Variants in DNAH5 observed in about 807,000 individuals in gnomAD.
The protein encoded by DNAH5 is axonemal beta dynein heavy chain 5.
A neutral mutation model predicts 518.2 loss-of-function variants in DNAH5; 372 were observed. The observed-to-expected ratio is 0.72, with a 90% CI of 0.66 to 0.78. The LOEUF (loss-of-function observed/expected upper bound fraction) is 0.78. DNAH5 is among the 30% of genes least tolerant of loss of function. The pLI is 0.00. For synonymous variants in DNAH5, 2,039 were observed against 2,025.9 expected (o/e 1.01, Z -0.17); for missense variants, 5,523 against 5,687.0 (o/e 0.97, Z 0.93).
chr5:13,700,685 G>A lies in DNAH5; in HGVS notation c.13678C>T (p.Leu4560Phe). 1 of 1,614,150 alleles carries A rather than the reference G, an allele frequency of 6.2e-7. No homozygotes were observed. Among genetic ancestry groups the A allele is most frequent in the Admixed American group, 1.7e-5 (1 of 60,022 alleles). The change falls in exon 78 of 79, where the codon CTC becomes TTC. Residue 4560 changes from leucine (L) to phenylalanine (F), a missense_variant. Physicochemically the swap from Leu to Phe is conservative, Grantham distance 22 (BLOSUM62 0). Transcript: ENST00000265104. ...MKLIESKPKV[L>F]FELMPVIRIY... ...CTTATGACAGGCATCAACTCAAAGA[G>A]CACTTTTGGCTTTGATTCAATGAGT...
At chr5:13,782,060 A>C (rs1304432600) in intron 52 of DNAH5, among the ~76,000 whole-genome samples, 2 of 152,102 alleles carry the variant, frequency 1.3e-5, no homozygotes, top group Non-Finnish European at 2.9e-5. Context: ...ATGGGAATAA[A>C]ATTCCCCTTG....
chr5:13,789,453 C>T (rs1202014602), intron 50 of DNAH5, among the ~76,000 whole-genome samples: 1 of 152,178 alleles, frequency 6.6e-6, no homozygotes, highest in African/African-American at 2.4e-5. Context: ...TTGCTCAATA[C>T]TCCTGTTTAT....
At chr5:13,839,665 G>A (rs1333528070) in intron 34 of DNAH5, 137 bp from the exon 35 acceptor site, 1 of 734,546 alleles carries the variant, frequency 1.4e-6, no homozygotes, top group Non-Finnish European at 2.3e-6. Flanking sequence ...GGTGTCAACT[G>A]TATCACCAGC....
At chr5:13,841,625 A>G in intron 33 of DNAH5, 67 bp downstream of exon 33, 2 of 1,265,250 alleles carry the variant, frequency 1.6e-6, no homozygotes, top group South Asian at 2.4e-5. Flanking sequence ...GAAGCTTACA[A>G]TAGGTAATGT....
intron 75 of DNAH5, among the ~76,000 whole-genome samples, chr5:13,712,451 A>G (rs956473715): frequency 6.6e-6 from 1 of 152,226 alleles, no homozygotes; most frequent in Admixed American, 6.5e-5. Flanking sequence ...AAATGCAATA[A>G]CAACAAAGAT....
In DNAH5 at chr5:13,922,343, G is replaced by A. The variant is rs1777403764; in HGVS notation, c.439-15C>T. ...AAACTCACCTCCTGGAAAACAGGCA[G>A]GAGATCTTTTATTGTAAAAATCATC... On this transcript the variant is annotated splice_polypyrimidine_tract_variant and intron_variant, in intron 4 of 78. Coordinates refer to ENST00000265104, the MANE Select transcript of DNAH5 (RefSeq NM_001369.3). 1.2e-6 allele frequency: 2 copies of A among 1,606,908 alleles called. No homozygotes were observed. The highest frequency in any genetic ancestry group is 2.2e-5 in the East Asian group (1 of 44,486).
intron 19 of DNAH5, 86 bp downstream of exon 19, chr5:13,884,903 C>T (rs1035214029): frequency 1.4e-5 from 21 of 1,548,366 alleles, no homozygotes; most frequent in Middle Eastern, 2.2e-4. Context: ...TGTACATGCA[C>T]GTGCACACGT....
rs774204308 is a variant in DNAH5 at position 14,004,603 on chromosome 5, A to AG, written c.12+7044dup. Among the ~76,000 whole-genome samples, 4 of 152,338 alleles carry AG rather than the reference A, an allele frequency of 2.6e-5. No homozygotes were observed. The South Asian group carries it at 8.3e-4, about 32-fold the overall frequency. On this transcript the variant is annotated intron_variant, in intron 1 of 78. Transcript: ENST00000681290. The stretch of plus-strand genomic sequence containing the variant: ...CTTACAAGCTGTTTGACTTTGGGCA[A>AG]GCCACCTAACTTCTTTGAGCCTCTG...
At chr5:13,869,997 T>G (rs563250906) in intron 24 of DNAH5, among the ~76,000 whole-genome samples, 1 of 152,226 alleles carries the variant, frequency 6.6e-6, no homozygotes, top group African/African-American at 2.4e-5. Context: ...ACACTATGTA[T>G]GTTGATAATA....
rs1489201069 is a variant in DNAH5, at chr5:13,931,104, T to C, written c.192+6A>G. The C allele has an allele frequency of 1.2e-6, 2 of 1,613,954 alleles. No homozygotes were observed. The highest frequency in any genetic ancestry group is 1.6e-4 in the Middle Eastern group (1 of 6,080). On this transcript the variant is annotated splice_donor_region_variant and intron_variant, in intron 2 of 78. Transcript: ENST00000265104. ...TCAAGTCAGTGAGAAGTGAAACGCA[T>C]CCCACCTGATTCCCTTCAAGAATGG...
intron 63 of DNAH5, among the ~76,000 whole-genome samples, chr5:13,752,892 G>A (rs1750437597): frequency 6.6e-6 from 1 of 152,148 alleles, no homozygotes; most frequent in South Asian, 2.1e-4. Flanking sequence ...CCACTTTTGT[G>A]ACAAATAATA....
chr5:13,898,909 C>A, intron 15 of DNAH5: 1 of 306,524 alleles, frequency 3.3e-6, no homozygotes, highest in Non-Finnish European at 5.9e-6. Flanking sequence ...TTTTCATACC[C>A]TTGGCTTCCT....
In DNAH5 at chr5:13,891,008, G is replaced by C. The variant is rs1773146294; in HGVS notation, c.2545C>G (p.Leu849Val). The C allele has an allele frequency of 6.2e-7, 1 of 1,614,188 alleles. No homozygotes were observed. Among genetic ancestry groups the C allele is most frequent in the Non-Finnish European group, 8.5e-7 (1 of 1,180,004 alleles). ...PLCQLPQEEP[L>V]TCEEFLQMTK... ...ATTTGGAGAAACTCTTCACAGGTTA[G>C]TGGCTCCTCCTGGGGAAGCTGACAA... Residue 849 changes from leucine to valine, a missense_variant, in exon 17 of 79, where the codon CTA becomes GTA. By Grantham distance (32) the Leu-to-Val change is conservative. Around this residue, in one of 3 missense-constraint regions of DNAH5, gnomAD observed 5,121 missense variants for 5,223.3 expected, o/e 0.98. Transcript: ENST00000265104.
In DNAH5 at chr5:13,707,285, T is replaced by G. The variant is rs1742920338; in HGVS notation, c.13338+838A>C. 6.6e-6 allele frequency among the ~76,000 whole-genome samples: 1 copy of G among 152,186 alleles called. No individual in the cohort carries two copies. ...CCTTCTGGCTCCCCATCCACCTTGC[T>G]GAGAGCAACTTCCACCACTCAATAA... On this transcript the variant is annotated intron_variant, in intron 76 of 78. Transcript: ENST00000265104. This position sits in a 1 kb window ranked among gnomAD's most constrained non-coding sequence, Gnocchi z 4.0.
intron 1 of DNAH5, among the ~76,000 whole-genome samples, chr5:13,932,958 A>C (rs546752847): frequency 6.6e-6 from 1 of 152,342 alleles, no homozygotes; most frequent in South Asian, 2.1e-4. Context: ...CGATGACTTT[A>C]TGAGACAGAC....
intron 65 of DNAH5, among the ~76,000 whole-genome samples, chr5:13,747,489 G>C (rs1223155757): frequency 6.6e-6 from 1 of 152,196 alleles, no homozygotes; most frequent in Non-Finnish European, 1.5e-5. Flanking sequence ...GGTTGAACTA[G>C]TTTACAGTCC....
At chr5:13,940,445 A>G (rs1779354601) in intron 1 of DNAH5, among the ~76,000 whole-genome samples, 1 of 152,224 alleles carries the variant, frequency 6.6e-6, no homozygotes, top group African/African-American at 2.4e-5. Context: ...TTCACGTTAT[A>G]TATGGCACAG....
At position 13,831,847 on chromosome 5, in the gene DNAH5, G is replaced by A. The variant is rs111859920; in HGVS notation, c.5883-1072C>T. Among the ~76,000 whole-genome samples, 717 of 152,218 alleles carry A rather than the reference G, an allele frequency of 4.7e-3. 1 individual carries two copies. Among genetic ancestry groups the A allele is most frequent in the South Asian group, 9.9e-3 (48 of 4,828 alleles). On this transcript the variant is annotated intron_variant, in intron 35 of 78. Transcript: ENST00000265104. The stretch of plus-strand genomic sequence containing the variant: ...CAGTGTGCTCCACATGCATCATCTC[G>A]TTTCATCCCCAGAGAACCCTGGAAG...
At position 13,729,580 on chromosome 5, in the gene DNAH5, A is replaced by G. The variant is rs746071988; in HGVS notation, c.11762-20T>C. The G allele has an allele frequency of 1.9e-6, 3 of 1,595,516 alleles. No homozygotes were observed. Among genetic ancestry groups the G allele is most frequent in the South Asian group, 1.1e-5 (1 of 88,856 alleles). ...CACCTCCTTTAAAATTAAATATTAA[A>G]TTATCAGATTTCCCTTCCTTCACTA... On this transcript the variant is annotated intron_variant, in intron 68 of 78. Coordinates refer to ENST00000265104, the MANE Select transcript of DNAH5 (RefSeq NM_001369.3).
Sources: gnomAD v4.1 joint callset for allele counts (sites outside exome capture counted in the v4.1 genomes callset) on GRCh38, gnomAD v4.1.1 for gene constraint, gnomAD v4.1.1 regional missense constraint, Gnocchi (gnomAD v3.1) non-coding constraint, MANE v1.5 for transcripts, NCBI Gene and HGNC (gene_info 2026-07-23, HGNC 2026-07-21) for gene names.